Variants in RAB44 observed in about 807,000 individuals in gnomAD.
RAB44 encodes the protein RAB44, member RAS oncogene family.
RAB44 carries 67 observed loss-of-function variants against 93.3 expected under a neutral mutation model. That is an observed-to-expected ratio of 0.72 (90% CI 0.59 to 0.88). The LOEUF is 0.88. RAB44 is among the 40% of genes least tolerant of loss of function. RAB44 has a pLI of 0.00. For synonymous variants in RAB44, 427 were observed against 520.3 expected, an observed-to-expected ratio of 0.82 and a Z score of 2.44; for missense variants, 1,064 against 1,261.7, an observed-to-expected ratio of 0.84 and a Z score of 2.37.
rs1344500390 is a variant in RAB44 at position 36,721,869 on chromosome 6, C to T, written c.1735C>T (p.Pro579Ser). Residue 579 changes from proline (P) to serine (S), a missense_variant, in exon 9 of 14, where the codon CCA becomes TCA. Transcript: ENST00000612677. ...SPTTALTGVG[P>S]AKPPRQRDAL... Reference sequence around the variant, plus strand: ...CACAACTGCCCTCACAGGAGTGGGCCCAGCCAAGCCGCCCAGGCAGAGAGA... The same window carrying T: ...CACAACTGCCCTCACAGGAGTGGGCTCAGCCAAGCCGCCCAGGCAGAGAGA... 1.1e-5 allele frequency: 13 copies of T among 1,235,090 alleles called. No homozygotes were observed. The highest frequency in any genetic ancestry group is 1.0e-5 in the Non-Finnish European group (10 of 988,882). The allele number at this position is 1,235,090 out of a possible 1,614,324, so 76.5% of individuals were successfully genotyped here.
chr6:36,730,213 C>G (rs1198347929), intron 12 of RAB44, among the ~76,000 whole-genome samples: 1 of 152,078 alleles, frequency 6.6e-6, no homozygotes, highest in African/African-American at 2.4e-5. Context: ...CAGTTAGCCC[C>G]CGCCCCGTAA....
chr6:36,724,672 C>T (rs1027169410), intron 9 of RAB44, among the ~76,000 whole-genome samples: 8 of 151,868 alleles, frequency 5.3e-5, no homozygotes, highest in African/African-American at 1.9e-4. Context: ...AACCAACCAA[C>T]CAACCAACCA....
rs1315454467 is a variant in RAB44 at position 36,728,798 on chromosome 6, C to G, written c.2895C>G (p.Ala965=). ...CCGTGGAAGCTGGGCAGCAACTGGC[C>G]CAGGTAAGCACTTGGGCATCAGCCC... ...QVSVEAGQQL[A]QELGVYFGEC... is the part of the protein sequence containing the mutation. Residue 965 remains alanine, a synonymous_variant, in exon 12 of 14, where the codon GCC becomes GCG. Coordinates refer to ENST00000612677, the MANE Select transcript of RAB44 (RefSeq NM_001257357.2). The G allele has an allele frequency of 1.3e-6, 2 of 1,550,046 alleles. No individual in the cohort carries two copies. The highest frequency in any genetic ancestry group is 1.7e-6 in the Non-Finnish European group (2 of 1,146,674).
intron 3 of RAB44, among the ~76,000 whole-genome samples, chr6:36,715,021 C>T (rs1304963452): frequency 6.6e-6 from 1 of 152,022 alleles, no homozygotes; most frequent in Admixed American, 6.5e-5. Flanking sequence ...CTGCTAGCCA[C>T]CTCATCTAAG....
Position 36,715,670 on chromosome 6 carries a change from A to G in RAB44, c.494+17A>G, listed in dbSNP as rs371769608. 2.6e-6 allele frequency: 4 copies of G among 1,534,928 alleles called. No individual in the cohort carries two copies. Among genetic ancestry groups the G allele is most frequent in the African/African-American group, 1.4e-5 (1 of 73,036 alleles). On this transcript the variant is annotated intron_variant, in intron 4 of 13. Transcript: ENST00000612677. ...ACTTCCCAAGTAAGGCCAGGGCGGC[A>G]TGTGCATGGGGAGAGGCTCTGCCAG...
At chr6:36,709,980 A>C (rs1038760716) in intron 2 of RAB44, among the ~76,000 whole-genome samples, 3 of 152,278 alleles carry the variant, frequency 2.0e-5, no homozygotes, top group Non-Finnish European at 2.9e-5. Flanking sequence ...AATACACATA[A>C]GCCAACTTTC....
intron 2 of RAB44, among the ~76,000 whole-genome samples, chr6:36,705,616 C>T (rs935827490): frequency 2.0e-5 from 3 of 152,116 alleles, no homozygotes; most frequent in Non-Finnish European, 2.9e-5. Context: ...CTCCTGACTT[C>T]AGGTGATCCA....
intron 12 of RAB44, 137 bp downstream of exon 12, chr6:36,728,938 G>A (rs377170188): frequency 2.2e-5 from 16 of 714,786 alleles, no homozygotes; most frequent in African/African-American, 1.9e-4. Context: ...CCAACCAAAG[G>A]CCTGTTCAGA....
At chr6:36,715,386 T>G in intron 3 of RAB44, 93 bp from the exon 4 acceptor site, 1 of 1,150,642 alleles carries the variant, frequency 8.7e-7, no homozygotes, top group East Asian at 2.6e-5. Context: ...CAGGTAGAAT[T>G]ACTTCCCTGA....
chr6:36,722,154 C>T lies in RAB44; in HGVS notation c.2020C>T (p.Pro674Ser), dbSNP rs944747983. 1.6e-6 allele frequency: 2 copies of T among 1,237,060 alleles called. No homozygotes were observed. The highest frequency in any genetic ancestry group is 3.1e-5 in the African/African-American group (2 of 64,522). 76.6% of individuals were successfully genotyped at this position (1,237,060 alleles called of 1,614,324 possible). A position where few individuals can be genotyped will look rare whatever the true frequency, so the allele number is the denominator to read the frequency against. ...AFPHQELEEE[P>S]RSEEGKQEGR... ...CCCCCACCAGGAGCTGGAAGAGGAA[C>T]CCAGGTCTGAGGAAGGAAAACAAGA... The change falls in exon 9 of 14, where the codon CCC becomes TCC. Residue 674 changes from proline to serine, a missense_variant. Transcript: ENST00000612677.
chr6:36,730,763 G>GGGCC lies in RAB44; in HGVS notation c.2975+14_2975+15insGGCC. The stretch of plus-strand genomic sequence containing the variant: ...AAACCTGGCCAGGTAAGTGCTGCCC[G>GGGCC]CCCCCCGCCGCCCCCACCCCCCCCC... On this transcript the variant is annotated intron_variant, in intron 13 of 13. Coordinates refer to ENST00000612677, the MANE Select transcript of RAB44 (RefSeq NM_001257357.2). 1.8e-6 allele frequency: 2 copies of GGGCC among 1,100,662 alleles called. No homozygotes were observed. The highest frequency in any genetic ancestry group is 2.2e-6 in the Non-Finnish European group (2 of 907,650). The allele number at this position is 1,100,662 out of a possible 1,614,324, so 68.2% of individuals were successfully genotyped here.
At chr6:36,729,674 G>C (rs569991103) in intron 12 of RAB44, among the ~76,000 whole-genome samples, 1 of 152,118 alleles carries the variant, frequency 6.6e-6, no homozygotes, top group Non-Finnish European at 1.5e-5. Flanking sequence ...GTAGAGACGG[G>C]GTTTCACCAT....
In RAB44 at chr6:36,706,177, G is replaced by A. The variant is rs114959118; in HGVS notation, c.207+1735G>A. Among the ~76,000 whole-genome samples the A allele has an allele frequency of 3.0e-3, 461 of 152,216 alleles. 1 individual carries two copies. Among genetic ancestry groups the A allele is most frequent in the African/African-American group, 0.011 (444 of 41,510 alleles). On this transcript the variant is annotated intron_variant, in intron 2 of 13. Transcript: ENST00000612677. ...AGGTTTCACACCTGCTGAGATTACAGGTGTGAGCTGCCATGCCCAGGCTGG... is the reference window on the plus strand; with the variant it reads ...AGGTTTCACACCTGCTGAGATTACAAGTGTGAGCTGCCATGCCCAGGCTGG...
chr6:36,700,643 G>A (rs1042808134), intron 1 of RAB44, among the ~76,000 whole-genome samples: 2 of 152,088 alleles, frequency 1.3e-5, no homozygotes, highest in Non-Finnish European at 2.9e-5. Context: ...TCGCTATGTT[G>A]CCCAGGCTGG....
At position 36,732,165 on chromosome 6, in the gene RAB44, T is replaced by G. The variant is rs959731672; in HGVS notation, c.*72T>G. 3.0e-6 allele frequency: 3 copies of G among 999,668 alleles called. No individual in the cohort carries two copies. The highest frequency in any genetic ancestry group is 3.9e-6 in the Non-Finnish European group (3 of 774,398). 61.9% of individuals were successfully genotyped at this position (999,668 alleles called of 1,614,324 possible). A position where few individuals can be genotyped will look rare whatever the true frequency, so the allele number is the denominator to read the frequency against. ...TCCCTCAGCTCCTGTCCTTTGTTCCTGGACAGCAACGACACAGAGGACCAG... is the reference window on the plus strand; with the variant it reads ...TCCCTCAGCTCCTGTCCTTTGTTCCGGGACAGCAACGACACAGAGGACCAG... On this transcript the variant is annotated 3_prime_UTR_variant, in exon 14 of 14. Coordinates refer to ENST00000612677, the MANE Select transcript of RAB44 (RefSeq NM_001257357.2).
intron 9 of RAB44, among the ~76,000 whole-genome samples, chr6:36,724,548 G>C (rs914596720): frequency 6.6e-6 from 1 of 152,144 alleles, no homozygotes; most frequent in East Asian, 1.9e-4. Context: ...CCTTACAACA[G>C]CCTTCCTTAG....
Position 36,721,881 on chromosome 6 carries a change from C to A in RAB44, c.1747C>A (p.Pro583Thr). 1 of 1,235,196 alleles carries A rather than the reference C, an allele frequency of 8.1e-7. No homozygotes were observed. Among genetic ancestry groups the A allele is most frequent in the Non-Finnish European group, 1.0e-6 (1 of 988,872 alleles). The allele number at this position is 1,235,196 out of a possible 1,614,324, so 76.5% of individuals were successfully genotyped here. Reference protein sequence around the residue: ...ALTGVGPAKPPRQRDALQQDL... With the variant: ...ALTGVGPAKPTRQRDALQQDL... The stretch of plus-strand genomic sequence containing the variant: ...CACAGGAGTGGGCCCAGCCAAGCCG[C>A]CCAGGCAGAGAGATGCCCTCCAGCA... Residue 583 changes from proline (P) to threonine (T), a missense_variant, in exon 9 of 14, where the codon CCC (proline) becomes ACC (threonine). Coordinates refer to ENST00000612677, the MANE Select transcript of RAB44 (RefSeq NM_001257357.2).
intron 2 of RAB44, among the ~76,000 whole-genome samples, chr6:36,705,780 G>A (rs1233876857): frequency 2.0e-5 from 3 of 152,176 alleles, no homozygotes; most frequent in African/African-American, 7.2e-5. Context: ...GAGCAACAAG[G>A]ATGTAATTAA....
In RAB44 at chr6:36,727,603, T is replaced by C. The variant is rs1348659676; in HGVS notation, c.2708T>C (p.Leu903Pro). The part of the protein sequence containing the change: ...ERYHSMTRQL[L>P]RKADGVVLMY... ...TACCACAGTATGACGCGACAGCTGC[T>C]CCGCAAGGCTGACGGGGTGGTGCTC... Residue 903 changes from leucine (L) to proline (P), a missense_variant, in exon 11 of 14, where the codon CTC becomes CCC. Coordinates refer to ENST00000612677, the MANE Select transcript of RAB44 (RefSeq NM_001257357.2). 2.6e-6 allele frequency: 4 copies of C among 1,550,516 alleles called. No individual in the cohort carries two copies. In the South Asian group the frequency reaches 4.8e-5, roughly 18 times the overall value.
Sources: gnomAD v4.1 joint callset for allele counts (sites outside exome capture counted in the v4.1 genomes callset) on GRCh38, gnomAD v4.1.1 for gene constraint, MANE v1.5 for transcripts, NCBI Gene and HGNC (gene_info 2026-07-23, HGNC 2026-07-21) for gene names.